The following TAOK1 variants were observed in gnomAD, a reference collection of about 807,000 sequenced individuals.
TAOK1 encodes the protein serine/threonine-protein kinase TAO1.
TAOK1 carries 21 observed loss-of-function variants against 138.3 expected under a neutral mutation model. That is an observed-to-expected ratio of 0.15 (90% CI 0.11 to 0.22). TAOK1 has a LOEUF of 0.22. TAOK1 is among the 10% of genes least tolerant of loss of function. The pLI is 1.00. For synonymous variants in TAOK1, 361 were observed against 398.4 expected, an observed-to-expected ratio of 0.91 and a Z score of 1.12; for missense variants, 651 against 1,227.7, an observed-to-expected ratio of 0.53 and a Z score of 7.02.
intron 8 of TAOK1, 103 bp from the exon 9 acceptor site, chr17:29,489,561 T>G: frequency 1.4e-6 from 1 of 740,384 alleles, no homozygotes; most frequent in Non-Finnish European, 2.1e-6. Context: ...AGTTTAAGAT[T>G]GTTTCAAAAT....
chr17:29,536,468 C>T (rs1011862791), intron 19 of TAOK1, among the ~76,000 whole-genome samples: 3 of 150,900 alleles, frequency 2.0e-5, no homozygotes, highest in South Asian at 2.1e-4. Context: ...GGCATGATGG[C>T]GGGTGCCTAT....
chr17:29,487,636 G>C (rs1175380921), intron 8 of TAOK1, among the ~76,000 whole-genome samples: 1 of 152,002 alleles, frequency 6.6e-6, no homozygotes, highest in East Asian at 1.9e-4. Context: ...AATAATAATG[G>C]GGCCATGTCC....
intron 2 of TAOK1, among the ~76,000 whole-genome samples, chr17:29,459,460 T>A (rs535588765): frequency 6.6e-6 from 1 of 152,168 alleles, no homozygotes; most frequent in South Asian, 2.1e-4. Context: ...TGTTTTTTTT[T>A]ATTTTTAGTA....
At chr17:29,411,527 A>G (rs1905144128) in intron 1 of TAOK1, among the ~76,000 whole-genome samples, 1 of 151,612 alleles carries the variant, frequency 6.6e-6, no homozygotes, top group Non-Finnish European at 1.5e-5. Flanking sequence ...AAGTAGCTGG[A>G]ACTACAGGCA....
chr17:29,523,824 A>G (rs1293254151), intron 17 of TAOK1, among the ~76,000 whole-genome samples: 1 of 152,150 alleles, frequency 6.6e-6, no homozygotes, highest in African/African-American at 2.4e-5. Flanking sequence ...TCCTATTTAA[A>G]GCTTCTCCTG....
Position 29,547,091 on chromosome 17 carries a change from G to C in TAOK1, c.*4069G>C, listed in dbSNP as rs903364648. On this transcript the variant is annotated 3_prime_UTR_variant, in exon 20 of 20. Transcript: ENST00000261716. The stretch of plus-strand genomic sequence containing the variant: ...TGCAGAGAGAAATGAACCATGGAAA[G>C]TAAGAACACTGATGGTGATTCCTCT... 6.6e-6 allele frequency: 1 copy of C among 152,102 alleles called. No individual in the cohort carries two copies. Among genetic ancestry groups the C allele is most frequent in the Non-Finnish European group, 1.5e-5 (1 of 67,976 alleles). The allele number at this position is 152,102 out of a possible 1,614,324, so 9.4% of individuals were successfully genotyped here.
intron 19 of TAOK1, among the ~76,000 whole-genome samples, chr17:29,538,964 A>AT (rs1048816453): frequency 6.6e-6 from 1 of 152,156 alleles, no homozygotes; most frequent in Admixed American, 6.6e-5. Context: ...TTAAGTAAGA[A>AT]TTAAAATTTG....
In TAOK1 at chr17:29,548,799, T is replaced by C. The variant is rs1005699027; in HGVS notation, c.*5777T>C. ...TAGGTCTGTGCCAGCTAGAGAGAAG[T>C]TGCTGTCATTACCAGTTGTGGTCCT... is the stretch of plus-strand genomic sequence containing the variant. On this transcript the variant is annotated 3_prime_UTR_variant, in exon 20 of 20. Coordinates refer to ENST00000261716, the MANE Select transcript of TAOK1 (RefSeq NM_020791.4). 6.6e-6 allele frequency: 1 copy of C among 152,190 alleles called. No individual in the cohort carries two copies. The highest frequency in any genetic ancestry group is 6.5e-5 in the Admixed American group (1 of 15,276). The allele number at this position is 152,190 out of a possible 1,614,324, so 9.4% of individuals were successfully genotyped here.
At chr17:29,438,053 G>A (rs892795337) in intron 1 of TAOK1, among the ~76,000 whole-genome samples, 3 of 152,068 alleles carry the variant, frequency 2.0e-5, no homozygotes, top group Admixed American at 6.5e-5. Flanking sequence ...TATATTCTAT[G>A]GGGAAAATGA....
chr17:29,466,290 T>G (rs2030666545), intron 2 of TAOK1, among the ~76,000 whole-genome samples: 1 of 152,022 alleles, frequency 6.6e-6, no homozygotes, highest in South Asian at 2.1e-4. Flanking sequence ...ATTACAGGCG[T>G]GCACCACTAC....
intron 1 of TAOK1, among the ~76,000 whole-genome samples, chr17:29,399,087 A>G (rs1055510301): frequency 9.4e-5 from 14 of 148,634 alleles, no homozygotes; most frequent in Admixed American, 6.7e-5. Context: ...CCCAGGCTCA[A>G]GTGATCCACC....
chr17:29,537,831 C>G (rs920803483), intron 19 of TAOK1, among the ~76,000 whole-genome samples: 3 of 151,966 alleles, frequency 2.0e-5, no homozygotes, highest in African/African-American at 7.2e-5. Context: ...AATAGAGATA[C>G]GGCTGGGTGT....
chr17:29,543,493 A>G lies in TAOK1; in HGVS notation c.*471A>G, dbSNP rs1220399493. 1 of 153,238 alleles carries G rather than the reference A, an allele frequency of 6.5e-6. No homozygotes were observed. 9.5% of individuals were successfully genotyped at this position (153,238 alleles called of 1,614,324 possible). The stretch of plus-strand genomic sequence containing the variant: ...TTATGAGCCACTCACAGCAGGCAGC[A>G]TATGTTGAAATAAGTTATTACTGGT... On this transcript the variant is annotated 3_prime_UTR_variant, in exon 20 of 20. Transcript: ENST00000261716.
intron 15 of TAOK1, among the ~76,000 whole-genome samples, chr17:29,515,491 T>C (rs2031797740): frequency 6.6e-6 from 1 of 152,104 alleles, no homozygotes; most frequent in Admixed American, 6.6e-5. Context: ...GATACACATG[T>C]TTTCTGGTGT....
At chr17:29,431,600 A>G (rs1448854950) in intron 1 of TAOK1, among the ~76,000 whole-genome samples, 2 of 152,004 alleles carry the variant, frequency 1.3e-5, no homozygotes, top group Non-Finnish European at 1.5e-5. Context: ...TGAAGTGGAG[A>G]CATACGGTTT....
At chr17:29,484,731 A>G (rs762511183) in intron 8 of TAOK1, among the ~76,000 whole-genome samples, 1 of 152,060 alleles carries the variant, frequency 6.6e-6, no homozygotes, top group Non-Finnish European at 1.5e-5. Context: ...TAGCCTCCCA[A>G]GTAGCTGGGA....
chr17:29,452,696 A>T (rs779672077), intron 2 of TAOK1, among the ~76,000 whole-genome samples: 9 of 152,198 alleles, frequency 5.9e-5, no homozygotes, highest in Non-Finnish European at 8.8e-5. Flanking sequence ...GAATTTGCTT[A>T]GATATTTCTA....
At chr17:29,536,020 C>T (rs1685579487) in intron 19 of TAOK1, among the ~76,000 whole-genome samples, 1 of 151,994 alleles carries the variant, frequency 6.6e-6, no homozygotes, top group Admixed American at 6.5e-5. Flanking sequence ...AGGCCAGGCA[C>T]AGTGGCTCAC....
intron 2 of TAOK1, among the ~76,000 whole-genome samples, chr17:29,462,350 T>G (rs1323096700): frequency 6.6e-6 from 1 of 152,200 alleles, no homozygotes; most frequent in Non-Finnish European, 1.5e-5. Flanking sequence ...ACATAATCTT[T>G]TAGTTTCCAA....
Sources: allele counts gnomAD v4.1 joint callset (sites outside exome capture counted in the v4.1 genomes callset), GRCh38; gene constraint gnomAD v4.1.1; transcripts MANE v1.5; gene names NCBI Gene and HGNC (gene_info 2026-07-23, HGNC 2026-07-21).